PARP15: variants seen among roughly 807,000 people sequenced by gnomAD.
PARP15 encodes poly(ADP-ribose) polymerase family member 15, also known as protein mono-ADP-ribosyltransferase PARP15.
A neutral mutation model predicts 62.1 loss-of-function variants in PARP15; 50 were observed. That is an observed-to-expected ratio of 0.81 (90% CI 0.64 to 1.02). The LOEUF is 1.02. PARP15 is among the 50% of genes least tolerant of loss of function. The pLI is 0.00. For missense variants in PARP15, 820 were observed against 826.5 expected, an observed-to-expected ratio of 0.99 and a Z score of 0.10; for synonymous variants, 309 against 293.1, an observed-to-expected ratio of 1.05 and a Z score of -0.55.
At chr3:122,583,297 T>C (rs1933117472) in intron 1 of PARP15, among the ~76,000 whole-genome samples, 1 of 151,292 alleles carries the variant, frequency 6.6e-6, no homozygotes, top group African/African-American at 2.4e-5. Flanking sequence ...TTTTTTTTTT[T>C]TGTATTTTTA....
chr3:122,623,106 C>T (rs538683535), intron 8 of PARP15, among the ~76,000 whole-genome samples: 8 of 152,274 alleles, frequency 5.3e-5, no homozygotes, highest in Middle Eastern at 3.4e-3. Flanking sequence ...TTGCTATCGG[C>T]GGTAATGAGG....
In PARP15 at chr3:122,619,950, C is replaced by T; in HGVS notation, c.1063+107C>T. ...GAGGTGGAGTAAGTAGCGAGCAAAACTTTGCAAGAAGGTTGGTTCACTGGA... is the reference window on the plus strand; with the variant it reads ...GAGGTGGAGTAAGTAGCGAGCAAAATTTTGCAAGAAGGTTGGTTCACTGGA... On this transcript the variant is annotated intron_variant, in intron 7 of 11. Coordinates refer to ENST00000464300, the MANE Select transcript of PARP15 (RefSeq NM_001113523.3). The T allele has an allele frequency of 3.8e-6, 4 of 1,051,556 alleles. No individual in the cohort carries two copies. In the Admixed American group the frequency reaches 7.1e-5, roughly 19 times the overall value. The allele number at this position is 1,051,556 out of a possible 1,614,324, so 65.1% of individuals were successfully genotyped here.
rs922766262 is a variant in PARP15, at chr3:122,606,136, T to C, written c.306+81T>C. The C allele has an allele frequency of 2.0e-5, 29 of 1,425,446 alleles. No individual in the cohort carries two copies. In the Admixed American group the frequency reaches 7.1e-4, roughly 35 times the overall value. The allele number at this position is 1,425,446 out of a possible 1,614,324, so 88.3% of individuals were successfully genotyped here. A position where few individuals can be genotyped will look rare whatever the true frequency, so the allele number is the denominator to read the frequency against. On this transcript the variant is annotated intron_variant, in intron 2 of 11. Transcript: ENST00000464300. ...TTCTGTGAGTTGTTCCATGATTTAA[T>C]TTGTTCTTTATCTTAATCAAAGATT...
chr3:122,601,693 C>T (rs1247453481), intron 1 of PARP15, among the ~76,000 whole-genome samples: 1 of 152,136 alleles, frequency 6.6e-6, no homozygotes, highest in African/African-American at 2.4e-5. Flanking sequence ...TGGTTGCTTC[C>T]AAGTTTTGGC....
chr3:122,635,668 C>A, intron 11 of PARP15, 143 bp from the exon 12 acceptor site: 1 of 898,388 alleles, frequency 1.1e-6, no homozygotes, highest in Non-Finnish European at 1.6e-6. Flanking sequence ...TTGCCTCAGC[C>A]TCCCAAAGTG....
At chr3:122,632,021 G>A in intron 9 of PARP15, 65 bp from the exon 10 acceptor site, 1 of 1,589,700 alleles carries the variant, frequency 6.3e-7, no homozygotes. Context: ...TGCAGAGGAG[G>A]TGCCCTGATT....
intron 9 of PARP15, among the ~76,000 whole-genome samples, chr3:122,628,653 G>A (rs1433515375): frequency 6.6e-6 from 1 of 152,152 alleles, no homozygotes; most frequent in Non-Finnish European, 1.5e-5. Context: ...GAAGAGAGAA[G>A]CAAACAAAAA....
Position 122,632,119 on chromosome 3 carries a change from A to C in PARP15, c.1472A>C (p.His491Pro). The C allele has an allele frequency of 3.1e-6, 5 of 1,614,078 alleles. No homozygotes were observed. The highest frequency in any genetic ancestry group is 4.2e-6 in the Non-Finnish European group (5 of 1,179,964). Residue 491 changes from histidine (H) to proline (P), a missense_variant, in exon 10 of 12, where the codon CAT becomes CCT. Around this residue, in one of 3 missense-constraint regions of PARP15, gnomAD observed 731 missense variants for 727.7 expected, o/e 1.00. Transcript: ENST00000464300. ...NLPEHWTDMN[H>P]QLFCMVQLEP... ...CCTGAACACTGGACTGACATGAATCATCAGCTGTTTTGCATGGTCCAGCTA... is the reference window on the plus strand; with the variant it reads ...CCTGAACACTGGACTGACATGAATCCTCAGCTGTTTTGCATGGTCCAGCTA...
chr3:122,622,604 C>T (rs980742728), intron 8 of PARP15, among the ~76,000 whole-genome samples: 2 of 152,264 alleles, frequency 1.3e-5, no homozygotes, highest in African/African-American at 4.8e-5. Flanking sequence ...ATTGAAATGC[C>T]GTTACCTAGG....
chr3:122,588,228 T>C (rs1024255860), intron 1 of PARP15, among the ~76,000 whole-genome samples: 9 of 152,186 alleles, frequency 5.9e-5, no homozygotes, highest in African/African-American at 2.2e-4. Context: ...GAGACTATTA[T>C]TATTTGTAAT....
intron 10 of PARP15, among the ~76,000 whole-genome samples, chr3:122,634,640 G>C (rs1016312980): frequency 2.0e-5 from 3 of 152,182 alleles, no homozygotes; most frequent in East Asian, 1.9e-4. Context: ...TGGAAGATGA[G>C]GAGTTAAGGA....
chr3:122,609,894 A>T (rs1447916432), intron 2 of PARP15, among the ~76,000 whole-genome samples: 1 of 152,148 alleles, frequency 6.6e-6, no homozygotes, highest in South Asian at 2.1e-4. Context: ...TAGCATTGAC[A>T]CTGGAGAACT....
At chr3:122,619,323 G>A (rs1236975145) in intron 6 of PARP15, among the ~76,000 whole-genome samples, 1 of 152,178 alleles carries the variant, frequency 6.6e-6, no homozygotes, top group East Asian at 1.9e-4. Flanking sequence ...GTGAAGCTAC[G>A]ACTTTGACTG....
Position 122,601,573 on chromosome 3 carries a change from C to A in PARP15, c.187-4363C>A, listed in dbSNP as rs1576499984. On this transcript the variant is annotated intron_variant, in intron 1 of 11. Coordinates refer to ENST00000464300, the MANE Select transcript of PARP15 (RefSeq NM_001113523.3). ...CTAGGAATCTGCATTTAAGTTTCTT[C>A]CATGTCTTTCTGTGGCTTGATAACT... Among the ~76,000 whole-genome samples the A allele has an allele frequency of 2.6e-5, 4 of 152,296 alleles. No individual in the cohort carries two copies. In the East Asian group the frequency reaches 7.7e-4, roughly 29 times the overall value.
At chr3:122,581,423 C>T (rs1370600671) in intron 1 of PARP15, among the ~76,000 whole-genome samples, 1 of 152,024 alleles carries the variant, frequency 6.6e-6, no homozygotes, top group African/African-American at 2.4e-5. Flanking sequence ...CTTTCCTTTT[C>T]TTTCACAGCA....
chr3:122,623,803 A>T (rs113592890), intron 8 of PARP15, among the ~76,000 whole-genome samples: 2 of 152,178 alleles, frequency 1.3e-5, no homozygotes, highest in African/African-American at 2.4e-5. Flanking sequence ...GCCTTCAGAG[A>T]TGCTCATGGA....
Position 122,619,852 on chromosome 3 carries a change from A to G in PARP15, c.1063+9A>G. On this transcript the variant is annotated intron_variant, in intron 7 of 11. Transcript: ENST00000464300. ...TGAATGTGCTGTACTAGGTATGGGC[A>G]CATGTTACTTTTGACTACAAACTTG... is the stretch of plus-strand genomic sequence containing the variant. 2 of 1,609,676 alleles carry G rather than the reference A, an allele frequency of 1.2e-6. No homozygotes were observed. Among genetic ancestry groups the G allele is most frequent in the South Asian group, 1.1e-5 (1 of 90,994 alleles).
rs1042127464 is a variant in PARP15 at position 122,627,029 on chromosome 3, T to C, written c.1434T>C (p.Thr478=). Residue 478 remains threonine, a synonymous_variant, in exon 9 of 12, where the codon ACT becomes ACC. Coordinates refer to ENST00000464300, the MANE Select transcript of PARP15 (RefSeq NM_001113523.3). ...SLNFQSTFSM[T]TCNLPEHWTD... ...ACTTTCAGTCCACATTCTCCATGACTACATGTAAGATGTTCACTTTTTAAA... is the reference window on the plus strand; with the variant it reads ...ACTTTCAGTCCACATTCTCCATGACCACATGTAAGATGTTCACTTTTTAAA... The C allele has an allele frequency of 6.2e-7, 1 of 1,603,996 alleles. No homozygotes were observed. The highest frequency in any genetic ancestry group is 1.3e-5 in the African/African-American group (1 of 74,430).
intron 2 of PARP15, among the ~76,000 whole-genome samples, chr3:122,608,416 A>C (rs1385670671): frequency 1.3e-5 from 2 of 151,896 alleles, no homozygotes; most frequent in African/African-American, 4.8e-5. Flanking sequence ...GGGTTTTGCC[A>C]TGTTGGCCAG....
Sources: allele counts gnomAD v4.1 joint callset (sites outside exome capture counted in the v4.1 genomes callset), GRCh38; gene constraint gnomAD v4.1.1; regional missense constraint gnomAD v4.1.1; transcripts MANE v1.5; gene names NCBI Gene and HGNC (gene_info 2026-07-23, HGNC 2026-07-21).